The following CD160 variants were observed in gnomAD, a reference collection of about 807,000 sequenced individuals.
CD160 encodes CD160 antigen.
Under a neutral mutation model 19.2 loss-of-function variants are expected in CD160, and 11 were observed. That is an observed-to-expected ratio of 0.57 (90% confidence interval 0.36 to 0.95). CD160 has a LOEUF of 0.95. CD160 is among the 40% of genes least tolerant of loss of function. CD160 has a pLI of 0.01. For synonymous variants in CD160, 75 were observed against 81.1 expected (o/e 0.93, Z 0.40); for missense variants, 182 against 213.2 (o/e 0.85, Z 0.91).
intron 3 of CD160, among the ~76,000 whole-genome samples, chr1:145,729,134 A>G (rs926656395): frequency 6.6e-6 from 1 of 152,204 alleles, no homozygotes; most frequent in South Asian, 2.1e-4. Context: ...TGGAAAGTAG[A>G]AATAAAATAT....
intron 2 of CD160, among the ~76,000 whole-genome samples, chr1:145,726,658 C>T (rs782668095): frequency 3.9e-5 from 6 of 151,910 alleles, no homozygotes; most frequent in Non-Finnish European, 8.8e-5. Flanking sequence ...TGCAGCAAAC[C>T]AACATGAAAC....
intron 5 of CD160, chr1:145,736,502 G>T (rs782214665): frequency 1.5e-4 from 53 of 350,248 alleles, no homozygotes; most frequent in Non-Finnish European, 2.5e-4. Context: ...TTGGTTTGGA[G>T]ATGGGTTTTG....
Position 145,736,398 on chromosome 1 carries a change from A to T in CD160, c.538+264A>T, listed in dbSNP as rs1278415737. 5 of 789,104 alleles carry T rather than the reference A, an allele frequency of 6.3e-6. No homozygotes were observed. In the Admixed American group the frequency reaches 1.5e-4, roughly 23 times the overall value. 48.9% of individuals were successfully genotyped at this position (789,104 alleles called of 1,614,324 possible). A position where few individuals can be genotyped will look rare whatever the true frequency, so the allele number is the denominator to read the frequency against. ...TGAAGGCCTGTGAGAGAGGCAAGTTAGTACAACTACCTCTACTCACTGCAT... is the reference window on the plus strand; with the variant it reads ...TGAAGGCCTGTGAGAGAGGCAAGTTTGTACAACTACCTCTACTCACTGCAT... On this transcript the variant is annotated intron_variant, in intron 5 of 5. Coordinates refer to ENST00000369288, the MANE Select transcript of CD160 (RefSeq NM_007053.4).
At chr1:145,719,863 G>A (rs1264992047) in intron 1 of CD160, among the ~76,000 whole-genome samples, 3 of 152,200 alleles carry the variant, frequency 2.0e-5, no homozygotes, top group Admixed American at 6.5e-5. Flanking sequence ...TTCAAGGATT[G>A]GCCTGAGACA....
At chr1:145,730,128 G>T (rs1386399211) in intron 3 of CD160, among the ~76,000 whole-genome samples, 1 of 152,146 alleles carries the variant, frequency 6.6e-6, no homozygotes, top group African/African-American at 2.4e-5. Flanking sequence ...TTCAAGACTA[G>T]CCTGGACAAC....
chr1:145,736,423 T>C, intron 5 of CD160: 1 of 570,830 alleles, frequency 1.8e-6, no homozygotes, highest in Non-Finnish European at 2.9e-6. Flanking sequence ...ACTCACTGCA[T>C]GAACAGAGGG....
intron 1 of CD160, among the ~76,000 whole-genome samples, chr1:145,724,081 A>G (rs1656961441): frequency 6.6e-6 from 1 of 152,202 alleles, no homozygotes; most frequent in African/African-American, 2.4e-5. Flanking sequence ...ATGATTGCAC[A>G]TATTTCTTCT....
intron 4 of CD160, 31 bp from the exon 5 acceptor site, chr1:145,735,966 T>G: frequency 6.5e-7 from 1 of 1,527,732 alleles, no homozygotes; most frequent in South Asian, 1.2e-5. Context: ...TCTGAAACCC[T>G]CCCCTGATCC....
chr1:145,722,388 T>C (rs1656886050), intron 1 of CD160, among the ~76,000 whole-genome samples: 1 of 152,178 alleles, frequency 6.6e-6, no homozygotes, highest in African/African-American at 2.4e-5. Flanking sequence ...ATCTGAAACA[T>C]CCTGGTCTGA....
At position 145,738,589 on chromosome 1, in the gene CD160, G is replaced by T; in HGVS notation, c.*96G>T. On this transcript the variant is annotated 3_prime_UTR_variant, in exon 6 of 6. Coordinates refer to ENST00000369288, the MANE Select transcript of CD160 (RefSeq NM_007053.4). ...CATTACAATAGGCACAGAGAAGAAT[G>T]CAACAGGGCACAGGGGAAGAGATGC... The T allele has an allele frequency of 2.7e-6, 2 of 736,288 alleles. No homozygotes were observed. The highest frequency in any genetic ancestry group is 4.0e-6 in the Non-Finnish European group (2 of 495,928). 45.6% of individuals were successfully genotyped at this position (736,288 alleles called of 1,614,324 possible).
chr1:145,730,686 C>G (rs961593107), intron 3 of CD160, 58 bp from the exon 4 acceptor site: 5 of 1,396,902 alleles, frequency 3.6e-6, no homozygotes, highest in African/African-American at 1.4e-5. Flanking sequence ...GGAGCAGTTA[C>G]GGTGAAATTC....
Position 145,729,378 on chromosome 1 carries a change from G to A in CD160, c.73+978G>A, listed in dbSNP as rs587646872. On this transcript the variant is annotated intron_variant, in intron 3 of 5. Coordinates refer to ENST00000369288, the MANE Select transcript of CD160 (RefSeq NM_007053.4). ...CGGATCAAGCTGCCAAGGGAGTGGGGGAGGGGGCTGGCAGCCTCAGCATCT... is the reference window on the plus strand; with the variant it reads ...CGGATCAAGCTGCCAAGGGAGTGGGAGAGGGGGCTGGCAGCCTCAGCATCT... Among the ~76,000 whole-genome samples, 4 of 152,308 alleles carry A rather than the reference G, an allele frequency of 2.6e-5. No homozygotes were observed. In the East Asian group the frequency reaches 7.7e-4, roughly 29 times the overall value.
intron 2 of CD160, 88 bp from the exon 3 acceptor site, chr1:145,728,168 T>C: frequency 1.6e-6 from 1 of 617,774 alleles, no homozygotes; most frequent in Non-Finnish European, 2.9e-6. Flanking sequence ...TCCATCATAC[T>C]CTAGCCAATC....
intron 1 of CD160, among the ~76,000 whole-genome samples, chr1:145,720,994 A>G (rs587715845): frequency 6.6e-6 from 1 of 152,268 alleles, no homozygotes; most frequent in Admixed American, 6.5e-5. Flanking sequence ...ATCAAAGATG[A>G]GGATGCCAAC....
chr1:145,732,158 C>G (rs782406728), intron 4 of CD160, among the ~76,000 whole-genome samples: 12 of 151,952 alleles, frequency 7.9e-5, no homozygotes, highest in Non-Finnish European at 1.5e-4. Flanking sequence ...ATAGAGCAAG[C>G]CTTCAAAATT....
chr1:145,735,945 T>C (rs1460206576), intron 4 of CD160, 52 bp from the exon 5 acceptor site: 3 of 1,239,322 alleles, frequency 2.4e-6, no homozygotes, highest in Non-Finnish European at 3.5e-6. Flanking sequence ...CAAAAGGAGA[T>C]ACTGATGATT....
chr1:145,726,253 A>G (rs914696490), intron 2 of CD160, among the ~76,000 whole-genome samples: 18 of 152,344 alleles, frequency 1.2e-4, no homozygotes, highest in Admixed American at 1.2e-3. Context: ...CCAAAGGATT[A>G]TAAATCATTC....
At position 145,731,010 on chromosome 1, in the gene CD160, G is replaced by T; in HGVS notation, c.340G>T (p.Ala114Ser). ...PLHSGTYQCC[A>S]RSQKSGIRLQ... is the part of the protein sequence containing the mutation. Reference sequence around the variant, plus strand: ...GCACAGTGGGACCTACCAGTGTTGTGCCAGAAGCCAGAAGTCAGGTATCCG... The same window carrying T: ...GCACAGTGGGACCTACCAGTGTTGTTCCAGAAGCCAGAAGTCAGGTATCCG... The change falls in exon 4 of 6, where the codon GCC becomes TCC. Residue 114 changes from alanine to serine, a missense_variant. Physicochemically the swap from Ala to Ser is moderately conservative, Grantham distance 99. Coordinates refer to ENST00000369288, the MANE Select transcript of CD160 (RefSeq NM_007053.4). The T allele has an allele frequency of 9.9e-6, 16 of 1,614,136 alleles. No homozygotes were observed. The highest frequency in any genetic ancestry group is 1.4e-5 in the Non-Finnish European group (16 of 1,180,010).
chr1:145,736,787 A>C (rs1304831421), intron 5 of CD160: 8 of 154,684 alleles, frequency 5.2e-5, no homozygotes, highest in South Asian at 2.0e-4. Flanking sequence ...TGTAAGCTCT[A>C]TATATATGTA....
Sources: gnomAD v4.1 joint callset for allele counts (sites outside exome capture counted in the v4.1 genomes callset) on GRCh38, gnomAD v4.1.1 for gene constraint, MANE v1.5 for transcripts, NCBI Gene and HGNC (gene_info 2026-07-23, HGNC 2026-07-21) for gene names.